The following GPR173 variants were observed in gnomAD, a reference collection of about 807,000 sequenced individuals.
GPR173 encodes G protein-coupled receptor 173, also known as probable G protein-coupled receptor 173.
A neutral mutation model predicts 13.9 loss-of-function variants in GPR173; 2 were observed. The observed-to-expected ratio is 0.14, with a 90% CI of 0.06 to 0.45. The LOEUF is 0.45. GPR173 is among the 20% of genes least tolerant of loss of function. GPR173 has a pLI of 0.98. For missense variants in GPR173, 202 were observed against 340.5 expected (o/e 0.59, Z 3.20); for synonymous variants, 131 against 141.0 (o/e 0.93, Z 0.50).
intron 1 of GPR173, among the ~76,000 whole-genome samples, chrX:53,074,610 C>G (rs868962132): frequency 2.5e-5 from 1 of 39,236 alleles, no homozygotes; most frequent in Non-Finnish European, 3.9e-5. Flanking sequence ...TTATAAATAA[C>G]TATAAATATA....
At position 53,048,805 on chromosome X, in the gene GPR173, G is replaced by A. The variant is rs1028283897; in HGVS notation, c.-777G>A. On this transcript the variant is annotated 5_prime_UTR_variant, in exon 1 of 2. Transcript: ENST00000332582. ...CTCCACCCCACCCCCTCTTTCTGGCGTCCATCCCCTCCCCAACACCACCTC... is the reference window on the plus strand; with the variant it reads ...CTCCACCCCACCCCCTCTTTCTGGCATCCATCCCCTCCCCAACACCACCTC... 1.4e-4 allele frequency among the ~76,000 whole-genome samples: 15 copies of A among 110,317 alleles called. No individual in the cohort carries two copies. Among genetic ancestry groups the A allele is most frequent in the Non-Finnish European group, 2.5e-4 (13 of 52,510 alleles).
intron 1 of GPR173, among the ~76,000 whole-genome samples, chrX:53,058,867 T>C (rs1159049666): frequency 9.1e-6 from 1 of 110,091 alleles, no homozygotes; most frequent in Non-Finnish European, 1.9e-5. Flanking sequence ...TAAGTGCCTA[T>C]GTAAATGGCG....
intron 1 of GPR173, among the ~76,000 whole-genome samples, chrX:53,075,125 C>T (rs1436852343): frequency 9.3e-6 from 1 of 108,041 alleles, no homozygotes; most frequent in Admixed American, 1.0e-4. Context: ...CCCTGACTCA[C>T]TGTGTTCCAC....
In GPR173 at chrX:53,077,489, G is replaced by A. The variant is rs371150891; in HGVS notation, c.868G>A (p.Ala290Thr). Residue 290 changes from alanine (A) to threonine (T), a missense_variant, in exon 2 of 2, where the codon GCG becomes ACG. Coordinates refer to ENST00000332582, the MANE Select transcript of GPR173 (RefSeq NM_018969.6). ...GEKQLGRMFY[A>T]ITLLFLLLWS... is the part of the protein sequence containing the mutation. ...AAAGCAGCTGGGCCGCATGTTCTAC[G>A]CGATCACACTGCTCTTTCTGCTCCT... 4.5e-5 allele frequency: 55 copies of A among 1,210,413 alleles called. 1 individual carries two copies. The East Asian group carries it at 1.2e-3, about 25-fold the overall frequency.
At chrX:53,060,642 G>C (rs1932111165) in intron 1 of GPR173, among the ~76,000 whole-genome samples, 1 of 107,070 alleles carries the variant, frequency 9.3e-6, no homozygotes, top group South Asian at 4.1e-4. Context: ...TTAACAAAAA[G>C]TTAGAAATTT....
intron 1 of GPR173, among the ~76,000 whole-genome samples, chrX:53,072,296 C>T (rs1932269121): frequency 9.2e-6 from 1 of 108,354 alleles, no homozygotes; most frequent in Admixed American, 1.0e-4. Flanking sequence ...TCTCCAGCTA[C>T]CCTCTCTTAT....
At chrX:53,050,871 C>T (rs1156366774) in intron 1 of GPR173, among the ~76,000 whole-genome samples, 1 of 111,341 alleles carries the variant, frequency 9.0e-6, no homozygotes, top group Non-Finnish European at 1.9e-5. Context: ...AGCCTCCCTC[C>T]CCCACCCCAC....
chrX:53,051,216 AT>A (rs1205610632), intron 1 of GPR173, among the ~76,000 whole-genome samples: 51 of 109,937 alleles, frequency 4.6e-4, no homozygotes, highest in Non-Finnish European at 9.5e-5. Flanking sequence ...CTGCTGGCTG[AT>A]TTCAGGGCAT....
chrX:53,054,752 C>T (rs1466190047), intron 1 of GPR173, among the ~76,000 whole-genome samples: 2 of 108,149 alleles, frequency 1.8e-5, no homozygotes, highest in East Asian at 2.9e-4. Context: ...ACCTGGGTGG[C>T]GTATGTGTTT....
chrX:53,075,918 G>A (rs782797247), intron 1 of GPR173, among the ~76,000 whole-genome samples: 4 of 111,771 alleles, frequency 3.6e-5, no homozygotes, highest in South Asian at 3.7e-4. Context: ...GTGTGTGTGC[G>A]TGCATGTATG....
At chrX:53,073,821 T>A (rs1443288369) in intron 1 of GPR173, among the ~76,000 whole-genome samples, 45 of 74,052 alleles carry the variant, frequency 6.1e-4, no homozygotes, top group Non-Finnish European at 9.8e-4. Context: ...TTTATATATA[T>A]AAAAAAGTTT....
intron 1 of GPR173, among the ~76,000 whole-genome samples, chrX:53,073,395 A>T (rs1481749160): frequency 9.1e-6 from 1 of 110,252 alleles, no homozygotes; most frequent in Non-Finnish European, 1.9e-5. Context: ...GAGTTTCCCC[A>T]GTTTCTGCCC....
intron 1 of GPR173, among the ~76,000 whole-genome samples, chrX:53,055,889 AGTGTGTGT>A (rs112784276): frequency 8.2e-5 from 8 of 97,548 alleles, no homozygotes; most frequent in East Asian, 3.3e-4. Context: ...CTGTATTTGG[AGTGTGTGT>A]GTGTGTGTGT....
At chrX:53,075,213 C>A (rs1556805663) in intron 1 of GPR173, among the ~76,000 whole-genome samples, 1 of 107,114 alleles carries the variant, frequency 9.3e-6, no homozygotes, top group Non-Finnish European at 1.9e-5. Flanking sequence ...GCCGTTCCCC[C>A]TGCCTGGACT....
At chrX:53,073,814 A>G (rs1932305476) in intron 1 of GPR173, among the ~76,000 whole-genome samples, 1 of 76,278 alleles carries the variant, frequency 1.3e-5, no homozygotes, top group African/African-American at 5.0e-5. Context: ...AAAAAATTTT[A>G]TATATATAAA....
chrX:53,065,367 A>G (rs1483094121), intron 1 of GPR173: 1 of 111,938 alleles, frequency 8.9e-6, no homozygotes, highest in Non-Finnish European at 1.9e-5. Context: ...CAAAAACACA[A>G]GCTTTGGGGT....
chrX:53,059,657 T>A (rs1237985008), intron 1 of GPR173, among the ~76,000 whole-genome samples: 1 of 108,604 alleles, frequency 9.2e-6, no homozygotes, highest in Non-Finnish European at 1.9e-5. Flanking sequence ...CCAGGTGTAG[T>A]GGTGTGCACC....
chrX:53,073,797 T>C (rs2146682633), intron 1 of GPR173, among the ~76,000 whole-genome samples: 1 of 80,339 alleles, frequency 1.2e-5, no homozygotes, highest in Admixed American at 1.9e-4. Context: ...ATAATTTTTA[T>C]ATATTTAAAA....
intron 1 of GPR173, among the ~76,000 whole-genome samples, chrX:53,061,941 G>A (rs924782272): frequency 1.2e-4 from 11 of 91,338 alleles, no homozygotes; most frequent in Admixed American, 4.4e-4. Flanking sequence ...AAGAGAACAC[G>A]CTTTTGCATG....
Sources: gnomAD v4.1 joint callset for allele counts (sites outside exome capture counted in the v4.1 genomes callset) on GRCh38, gnomAD v4.1.1 for gene constraint, MANE v1.5 for transcripts, NCBI Gene and HGNC (gene_info 2026-07-23, HGNC 2026-07-21) for gene names.